Variants in LRBA observed in about 807,000 individuals in gnomAD.
LRBA encodes the protein lipopolysaccharide-responsive and beige-like anchor protein.
LRBA carries 176 observed loss-of-function variants against 330.0 expected under a neutral mutation model. That is an observed-to-expected ratio of 0.53 (90% CI 0.47 to 0.60). The LOEUF is 0.60. LRBA is among the 20% of genes least tolerant of loss of function. The probability of loss-of-function intolerance (pLI) is 0.00; values close to 1 mark genes in which losing one functional copy is unlikely to be tolerated. For synonymous variants in LRBA, 1,230 were observed against 1,193.0 expected (o/e 1.03, Z -0.64); for missense variants, 3,259 against 3,444.8 (o/e 0.95, Z 1.35).
intron 40 of LRBA, among the ~76,000 whole-genome samples, chr4:150,566,726 C>T (rs1769181852): frequency 1.3e-5 from 2 of 152,078 alleles, no homozygotes; most frequent in African/African-American, 4.8e-5. Context: ...TATACTTTGA[C>T]TGTATTTAGT....
chr4:150,892,218 T>C (rs902493641), intron 17 of LRBA, among the ~76,000 whole-genome samples: 1 of 152,232 alleles, frequency 6.6e-6, no homozygotes, highest in African/African-American at 2.4e-5. Context: ...ACAAAAGATT[T>C]TAAACTTCCT....
At chr4:150,404,627 T>TATC (rs978269457) in intron 47 of LRBA, among the ~76,000 whole-genome samples, 1 of 152,178 alleles carries the variant, frequency 6.6e-6, no homozygotes, top group Non-Finnish European at 1.5e-5. Context: ...CTTTCAGCTA[T>TATC]ATCACTGAGG....
intron 13 of LRBA, among the ~76,000 whole-genome samples, chr4:150,904,862 A>G (rs1487763802): frequency 6.6e-6 from 1 of 152,152 alleles, no homozygotes; most frequent in Non-Finnish European, 1.5e-5. Context: ...TAGAAAAGCA[A>G]AAAAGTCTGC....
At chr4:150,643,168 T>C (rs1346648410) in intron 37 of LRBA, among the ~76,000 whole-genome samples, 5 of 151,954 alleles carry the variant, frequency 3.3e-5, no homozygotes, top group Non-Finnish European at 5.9e-5. Flanking sequence ...AAGAAAAAAA[T>C]TGATCTGTCA....
chr4:150,624,652 T>C (rs992167544), intron 37 of LRBA, among the ~76,000 whole-genome samples: 1 of 152,150 alleles, frequency 6.6e-6, no homozygotes, highest in African/African-American at 2.4e-5. Context: ...CACATATTTA[T>C]ACAACTAATG....
chr4:150,682,788 A>G (rs1033372135), intron 37 of LRBA, among the ~76,000 whole-genome samples: 2 of 152,134 alleles, frequency 1.3e-5, no homozygotes, highest in African/African-American at 4.8e-5. Context: ...GTCAAAAATT[A>G]GAAATTAAAA....
At chr4:150,527,698 T>C (rs371995553) in intron 40 of LRBA, among the ~76,000 whole-genome samples, 16 of 152,358 alleles carry the variant, frequency 1.1e-4, no homozygotes, top group African/African-American at 3.8e-4. Context: ...TTCTAAGCTC[T>C]ATCTTGAATA....
intron 16 of LRBA, among the ~76,000 whole-genome samples, chr4:150,894,338 A>T (rs1398414638): frequency 6.6e-6 from 1 of 152,168 alleles, no homozygotes; most frequent in African/African-American, 2.4e-5. Flanking sequence ...GGTATTATCT[A>T]TTGTCCCTAT....
intron 47 of LRBA, among the ~76,000 whole-genome samples, chr4:150,378,285 C>T (rs1741665322): frequency 6.6e-6 from 1 of 152,136 alleles, no homozygotes; most frequent in Non-Finnish European, 1.5e-5. Flanking sequence ...TTCTCATTTA[C>T]TGCTGTCTGC....
chr4:150,482,630 C>A (rs1472462037), intron 42 of LRBA, among the ~76,000 whole-genome samples: 8 of 152,038 alleles, frequency 5.3e-5, no homozygotes, highest in Admixed American at 3.3e-4. Context: ...ACAAAGAAGT[C>A]GTACCACTTT....
At chr4:150,576,454 A>G (rs1254742526) in intron 40 of LRBA, among the ~76,000 whole-genome samples, 1 of 151,952 alleles carries the variant, frequency 6.6e-6, no homozygotes, top group Non-Finnish European at 1.5e-5. Context: ...AACATTGCAC[A>G]TTCTAGCGCA....
At chr4:150,450,489 C>A (rs1173938340) in intron 44 of LRBA, among the ~76,000 whole-genome samples, 1 of 152,170 alleles carries the variant, frequency 6.6e-6, no homozygotes, top group Non-Finnish European at 1.5e-5. Context: ...CTCCTTCCAT[C>A]GTCATATAGT....
intron 43 of LRBA, 90 bp downstream of exon 43, chr4:150,471,534 C>T: frequency 1.4e-6 from 1 of 707,532 alleles, no homozygotes; most frequent in Non-Finnish European, 2.3e-6. Context: ...GGCAATAAAA[C>T]AAGCTAGTTA....
chr4:150,408,883 A>G (rs1323821701), intron 47 of LRBA, among the ~76,000 whole-genome samples: 1 of 152,096 alleles, frequency 6.6e-6, no homozygotes, highest in Non-Finnish European at 1.5e-5. Flanking sequence ...TTATATATAA[A>G]GCTTTAATAT....
chr4:150,802,212 T>G (rs1741748335), intron 33 of LRBA, among the ~76,000 whole-genome samples: 1 of 133,564 alleles, frequency 7.5e-6, no homozygotes, highest in African/African-American at 2.8e-5. Flanking sequence ...GGAGTGAGAC[T>G]CAGTCTCAAA....
intron 53 of LRBA, among the ~76,000 whole-genome samples, chr4:150,301,662 G>A (rs4696087): frequency 0.23 from 35,316 of 151,998 alleles, 4,192 homozygotes; most frequent in East Asian, 0.26. Flanking sequence ...GTCAATCCAA[G>A]ATATGATGGA....
intron 34 of LRBA, among the ~76,000 whole-genome samples, chr4:150,788,589 C>T (rs113091023): frequency 0.026 from 3,885 of 151,840 alleles, 133 homozygotes; most frequent in African/African-American, 0.084. Context: ...GGTGAAACCC[C>T]GTTTCTACAA....
At chr4:150,731,746 A>G (rs1213181550) in intron 36 of LRBA, among the ~76,000 whole-genome samples, 1 of 152,200 alleles carries the variant, frequency 6.6e-6, no homozygotes, top group Non-Finnish European at 1.5e-5. Flanking sequence ...GGTATAAAAA[A>G]AACAGAACAA....
At chr4:150,396,125 C>T (rs1475954101) in intron 47 of LRBA, among the ~76,000 whole-genome samples, 2 of 152,166 alleles carry the variant, frequency 1.3e-5, no homozygotes, top group Non-Finnish European at 2.9e-5. Context: ...CTCTCACTAA[C>T]ATGGGCAGGT....
Sources: allele counts gnomAD v4.1 joint callset (sites outside exome capture counted in the v4.1 genomes callset), GRCh38; gene constraint gnomAD v4.1.1; transcripts MANE v1.5; gene names NCBI Gene and HGNC (gene_info 2026-07-23, HGNC 2026-07-21).